The following KAZN variants were observed in gnomAD, a reference collection of about 807,000 sequenced individuals.
KAZN encodes kazrin.
A neutral mutation model predicts 87.4 loss-of-function variants in KAZN; 40 were observed. The ratio of observed to expected loss-of-function variants is 0.46; its 90% CI spans 0.36 to 0.60. KAZN has a LOEUF of 0.60. Ranked by LOEUF, KAZN falls within the 20% of genes least tolerant of loss-of-function variation. The probability of loss-of-function intolerance (pLI) is 0.00; values close to 1 mark genes in which losing one functional copy is unlikely to be tolerated. For synonymous variants in KAZN, 466 were observed against 458.3 expected, an observed-to-expected ratio of 1.02 and a Z score of -0.22; for missense variants, 898 against 1,073.9, an observed-to-expected ratio of 0.84 and a Z score of 2.29.
chr1:14,953,046 C>G (rs953908159), intron 1 of KAZN, among the ~76,000 whole-genome samples: 27 of 151,778 alleles, frequency 1.8e-4, no homozygotes, highest in African/African-American at 6.6e-4. Flanking sequence ...CCCAAACCTG[C>G]ATGCCCGCCT....
intron 1 of KAZN, among the ~76,000 whole-genome samples, chr1:14,836,648 C>T (rs1647293352): frequency 6.6e-6 from 1 of 152,134 alleles, no homozygotes. Flanking sequence ...GGTGAAACCT[C>T]AGGCTCCCCA....
chr1:14,208,024 GT>G (rs1330198955), intron 2 of KAZN, among the ~76,000 whole-genome samples: 1 of 152,184 alleles, frequency 6.6e-6, no homozygotes, highest in African/African-American at 2.4e-5. Context: ...CCTCTCATTT[GT>G]TGAAAATATC....
intron 1 of KAZN, among the ~76,000 whole-genome samples, chr1:14,012,717 A>G (rs1640371884): frequency 6.6e-6 from 1 of 152,216 alleles, no homozygotes; most frequent in Non-Finnish European, 1.5e-5. Flanking sequence ...AGGCACGAGA[A>G]TCACTTGAAT....
intron 1 of KAZN, among the ~76,000 whole-genome samples, chr1:14,823,591 T>G (rs1469880065): frequency 1.3e-5 from 2 of 152,100 alleles, no homozygotes; most frequent in Admixed American, 1.3e-4. Flanking sequence ...CAGGGGACAG[T>G]CCTATACAAT....
rs997221051 is a variant in KAZN at position 14,087,082 on chromosome 1, G to A, written c.92-93353G>A. On this transcript the variant is annotated intron_variant, in intron 1 of 16. Transcript: ENST00000636203. Reference sequence around the variant, plus strand: ...TGCTGGGAATTTGACTAGGGAGAACGGACGTCACCATCATCATCATAGTGA... The same window carrying A: ...TGCTGGGAATTTGACTAGGGAGAACAGACGTCACCATCATCATCATAGTGA... Among the ~76,000 whole-genome samples the A allele has an allele frequency of 7.2e-5, 11 of 152,190 alleles. No individual in the cohort carries two copies. The South Asian group carries it at 1.2e-3, about 17-fold the overall frequency.
chr1:14,586,545 T>TA (rs1675859955), intron 2 of KAZN, among the ~76,000 whole-genome samples: 1 of 149,388 alleles, frequency 6.7e-6, no homozygotes, highest in Non-Finnish European at 1.5e-5. Context: ...TTTTTTTTTT[T>TA]AGAGATAGAG....
At chr1:14,195,421 A>G (rs1022952053) in intron 2 of KAZN, among the ~76,000 whole-genome samples, 2 of 151,572 alleles carry the variant, frequency 1.3e-5, no homozygotes, top group East Asian at 3.9e-4. Context: ...CAGAGAGAAT[A>G]TGGTAGAGGG....
intron 2 of KAZN, among the ~76,000 whole-genome samples, chr1:14,437,261 C>A (rs527252625): frequency 6.6e-6 from 1 of 152,186 alleles, no homozygotes; most frequent in African/African-American, 2.4e-5. Flanking sequence ...CATCCCACAG[C>A]TGGGGGCTCC....
rs147352389 is a variant in KAZN, at chr1:13,953,359, A to G, written c.91+59603A>G. ...TCTTGGTTCTGCACTAAGCCTGACTACGGGAGAGAGGCTTTTGCAAAGATC... is the reference window on the plus strand; with the variant it reads ...TCTTGGTTCTGCACTAAGCCTGACTGCGGGAGAGAGGCTTTTGCAAAGATC... On this transcript the variant is annotated intron_variant, in intron 1 of 16. Transcript: ENST00000636203. Among the ~76,000 whole-genome samples the G allele has an allele frequency of 1.8e-3, 267 of 152,288 alleles. 2 individuals are homozygous for G. Among genetic ancestry groups the G allele is most frequent in the African/African-American group, 5.6e-3 (232 of 41,564 alleles).
chr1:14,151,587 A>C (rs551223698), intron 1 of KAZN, among the ~76,000 whole-genome samples: 1 of 152,368 alleles, frequency 6.6e-6, no homozygotes, highest in South Asian at 2.1e-4. Flanking sequence ...ATCAGCAGGC[A>C]AAACATGATT....
intron 1 of KAZN, among the ~76,000 whole-genome samples, chr1:14,113,135 C>G (rs1374895709): frequency 6.6e-6 from 1 of 152,172 alleles, no homozygotes; most frequent in Non-Finnish European, 1.5e-5. Context: ...TCCTTCCTGC[C>G]CACCCCTTCC....
chr1:14,339,851 C>A (rs1209812741), intron 2 of KAZN, among the ~76,000 whole-genome samples: 1 of 152,194 alleles, frequency 6.6e-6, no homozygotes, highest in Non-Finnish European at 1.5e-5. Context: ...GTAGCAACAG[C>A]TTTTCCCTGA....
At chr1:14,517,064 C>T (rs1411348121) in intron 2 of KAZN, among the ~76,000 whole-genome samples, 1 of 152,088 alleles carries the variant, frequency 6.6e-6, no homozygotes, top group Non-Finnish European at 1.5e-5. Flanking sequence ...TGACCCAACC[C>T]CTTGGATGCA....
chr1:14,564,985 A>G (rs1674470735), intron 2 of KAZN, among the ~76,000 whole-genome samples: 1 of 151,128 alleles, frequency 6.6e-6, no homozygotes, highest in Admixed American at 6.7e-5. Flanking sequence ...GAGAATTTGG[A>G]TACTGGGGGT....
intron 13 of KAZN, among the ~76,000 whole-genome samples, chr1:15,106,850 A>C (rs1369100972): frequency 6.6e-6 from 1 of 152,198 alleles, no homozygotes; most frequent in Non-Finnish European, 1.5e-5. Flanking sequence ...CGGCGCCAAC[A>C]ATGTGTCAGT....
chr1:14,633,524 C>T (rs1160549484), intron 1 of KAZN, among the ~76,000 whole-genome samples: 2 of 152,174 alleles, frequency 1.3e-5, no homozygotes, highest in Non-Finnish European at 2.9e-5. Flanking sequence ...AAACACAGCC[C>T]TGTCTGCATC....
chr1:14,561,398 T>G (rs1007841306), intron 2 of KAZN, among the ~76,000 whole-genome samples: 1 of 151,920 alleles, frequency 6.6e-6, no homozygotes. Context: ...GGCGAAAAGA[T>G]AAAGAAAATG....
intron 1 of KAZN, among the ~76,000 whole-genome samples, chr1:14,957,061 C>T (rs1663202761): frequency 6.6e-6 from 1 of 152,196 alleles, no homozygotes; most frequent in Non-Finnish European, 1.5e-5. Flanking sequence ...CTTCCGTGTT[C>T]TGTTTCTTCG....
At chr1:14,069,228 T>G (rs532097588) in intron 1 of KAZN, among the ~76,000 whole-genome samples, 6 of 152,336 alleles carry the variant, frequency 3.9e-5, no homozygotes, top group African/African-American at 1.2e-4. Context: ...CATTACACAG[T>G]GCATCTTCAT....
Sources: gnomAD v4.1 joint callset for allele counts (sites outside exome capture counted in the v4.1 genomes callset) on GRCh38, gnomAD v4.1.1 for gene constraint, MANE v1.5 for transcripts, NCBI Gene and HGNC (gene_info 2026-07-23, HGNC 2026-07-21) for gene names.